SH2D1B: variants seen among roughly 807,000 people sequenced by gnomAD.
SH2D1B encodes SH2 domain containing 1B.
A neutral mutation model predicts 16.3 loss-of-function variants in SH2D1B; 11 were observed. That is an observed-to-expected ratio of 0.67 (90% CI 0.42 to 1.11). SH2D1B has a LOEUF of 1.11. Among genes scored for constraint, SH2D1B ranks in the 50% most tolerant of loss-of-function variants. The probability of loss-of-function intolerance (pLI) is 0.00; values close to 1 mark genes in which losing one functional copy is unlikely to be tolerated. For synonymous variants in SH2D1B, 55 were observed against 56.1 expected, an observed-to-expected ratio of 0.98 and a Z score of 0.09; for missense variants, 123 against 153.1, an observed-to-expected ratio of 0.80 and a Z score of 1.04.
At chr1:162,403,511 A>AAAAAAAAAAAAAAAAAAAC (rs1648579325) in intron 1 of SH2D1B, among the ~76,000 whole-genome samples, 1 of 42,042 alleles carries the variant, frequency 2.4e-5, no homozygotes, top group Non-Finnish European at 4.0e-5. Flanking sequence ...AAAAAAAAAA[A>AAAAAAAAAAAAAAAAAAAC]ATATATATAT....
At chr1:162,398,241 C>T (rs188168521) in intron 3 of SH2D1B, among the ~76,000 whole-genome samples, 29 of 152,188 alleles carry the variant, frequency 1.9e-4, no homozygotes, top group African/African-American at 6.8e-4. Flanking sequence ...ATCCCTTTCA[C>T]TGAGAATATA....
intron 1 of SH2D1B, among the ~76,000 whole-genome samples, chr1:162,404,922 C>T (rs1648617452): frequency 6.6e-6 from 1 of 152,230 alleles, no homozygotes; most frequent in Non-Finnish European, 1.5e-5. Context: ...ACATAGAACA[C>T]ACAACTTAGC....
chr1:162,410,345 CT>C (rs1284952076), intron 1 of SH2D1B, among the ~76,000 whole-genome samples: 3 of 152,232 alleles, frequency 2.0e-5, no homozygotes, highest in African/African-American at 7.2e-5. Context: ...AGTCCAGTCT[CT>C]TTTCTGTGCC....
chr1:162,398,458 A>G (rs1648430590), intron 3 of SH2D1B, among the ~76,000 whole-genome samples: 2 of 152,204 alleles, frequency 1.3e-5, no homozygotes, highest in South Asian at 4.1e-4. Context: ...ACCATCTCTC[A>G]TTTTCCACTA....
At chr1:162,411,065 C>G (rs1309982087) in intron 1 of SH2D1B, among the ~76,000 whole-genome samples, 3 of 152,082 alleles carry the variant, frequency 2.0e-5, no homozygotes, top group Non-Finnish European at 1.5e-5. Context: ...AAGTGATTCT[C>G]CTGTCTCAGC....
chr1:162,405,977 C>A (rs1468121904), intron 1 of SH2D1B, among the ~76,000 whole-genome samples: 1 of 152,164 alleles, frequency 6.6e-6, no homozygotes, highest in Non-Finnish European at 1.5e-5. Flanking sequence ...TTTTAACTAA[C>A]CTTCAAAAGG....
In SH2D1B at chr1:162,397,312, T is replaced by C. The variant is rs1427879076; in HGVS notation, c.367A>G (p.Ser123Gly). ...LKLELETFVNSNSDYVDVLP is the reference protein window; with the variant it reads ...LKLELETFVNGNSDYVDVLP ...AAGACATCCACATAATCGCTGTTAC[T>C]GTTCTTTGGAGGGAAAAAAAAAGCA... is the stretch of plus-strand genomic sequence containing the variant. The change falls in exon 4 of 4, where the codon AGT (serine) becomes GGT (glycine). Residue 123 changes from serine to glycine, a missense_variant. Transcript: ENST00000367929. The C allele has an allele frequency of 5.0e-5, 80 of 1,613,664 alleles. No homozygotes were observed. Among genetic ancestry groups the C allele is most frequent in the Non-Finnish European group, 6.5e-5 (77 of 1,179,858 alleles).
rs1172020515 is a variant in SH2D1B, at chr1:162,399,621, A to G, written c.199-534T>C. 7.2e-5 allele frequency among the ~76,000 whole-genome samples: 11 copies of G among 152,184 alleles called. 2 individuals carry two copies. Among genetic ancestry groups the G allele is most frequent in the Admixed American group, 7.2e-4 (11 of 15,280 alleles). On this transcript the variant is annotated intron_variant, in intron 2 of 3. Coordinates refer to ENST00000367929, the MANE Select transcript of SH2D1B (RefSeq NM_053282.5). ...CCATCACCCAGGTATCAAGCCCAGC[A>G]TTCACTAGCTATTCTTCCTGATCCT... is the stretch of plus-strand genomic sequence containing the variant.
chr1:162,400,030 T>C (rs564993216), intron 2 of SH2D1B, among the ~76,000 whole-genome samples: 3 of 152,336 alleles, frequency 2.0e-5, no homozygotes, highest in South Asian at 2.1e-4. Flanking sequence ...TAGTATTCCA[T>C]GGTGTATATG....
At position 162,396,729 on chromosome 1, in the gene SH2D1B, C is replaced by T. The variant is rs1362221673; in HGVS notation, c.*551G>A. 6.5e-6 allele frequency: 1 copy of T among 153,516 alleles called. No individual in the cohort carries two copies. The highest frequency in any genetic ancestry group is 2.4e-5 in the African/African-American group (1 of 41,432). 9.5% of individuals were successfully genotyped at this position (153,516 alleles called of 1,614,324 possible). A position where few individuals can be genotyped will look rare whatever the true frequency, so the allele number is the denominator to read the frequency against. ...CAGCAGGTACAGAGAAGGTGCTGAT[C>T]TGTATGCATCTCCATCACTCCCGAT... On this transcript the variant is annotated 3_prime_UTR_variant, in exon 4 of 4. Coordinates refer to ENST00000367929, the MANE Select transcript of SH2D1B (RefSeq NM_053282.5).
In SH2D1B at chr1:162,398,938, C is replaced by T; in HGVS notation, c.348G>A (p.Glu116=). ...GAGATTTTACCACAAATGTTTCCAA[C>T]TCTAATTTCAATCCTCTCCATCTCA... ...PSLRWRGLKL[E]LETFVNSNSD... The change falls in exon 3 of 4, where the codon GAG becomes GAA. Residue 116 remains glutamate, a synonymous_variant. Coordinates refer to ENST00000367929, the MANE Select transcript of SH2D1B (RefSeq NM_053282.5). 1 of 1,611,906 alleles carries T rather than the reference C, an allele frequency of 6.2e-7. No individual in the cohort carries two copies. Among genetic ancestry groups the T allele is most frequent in the Non-Finnish European group, 8.5e-7 (1 of 1,178,450 alleles).
Position 162,397,328 on chromosome 1 carries a change from A to G in SH2D1B, c.364-13T>C. 6.2e-7 allele frequency: 1 copy of G among 1,613,680 alleles called. No homozygotes were observed. The highest frequency in any genetic ancestry group is 8.5e-7 in the Non-Finnish European group (1 of 1,179,854). ...CGCTGTTACTGTTCTTTGGAGGGAA[A>G]AAAAAAGCAGAAGACCAGCCATGAG... On this transcript the variant is annotated splice_polypyrimidine_tract_variant and intron_variant, in intron 3 of 3. Coordinates refer to ENST00000367929, the MANE Select transcript of SH2D1B (RefSeq NM_053282.5).
rs143723905 is a variant in SH2D1B, at chr1:162,407,210, C to T, written c.135-4408G>A. 9.8e-3 allele frequency among the ~76,000 whole-genome samples: 1,487 copies of T among 152,216 alleles called. 18 individuals carry two copies. The highest frequency in any genetic ancestry group is 0.033 in the African/African-American group (1,351 of 41,530). ...GTTCTTTTCTATTCTCCCTAAGTGT[C>T]GGCCAGTCTAAGAAATAAAGGGAAA... is the stretch of plus-strand genomic sequence containing the variant. On this transcript the variant is annotated intron_variant, in intron 1 of 3. Transcript: ENST00000367929.
rs1210689894 is a variant in SH2D1B, at chr1:162,395,976, T to C, written c.*1304A>G. On this transcript the variant is annotated 3_prime_UTR_variant, in exon 4 of 4. Coordinates refer to ENST00000367929, the MANE Select transcript of SH2D1B (RefSeq NM_053282.5). ...GCAATTTCACGTATTTATTATAAAA[T>C]GTATATAGAAGAATCAAGGTCCATG... The C allele has an allele frequency of 6.6e-6, 1 of 152,214 alleles. No individual in the cohort carries two copies. Among genetic ancestry groups the C allele is most frequent in the Non-Finnish European group, 1.5e-5 (1 of 68,028 alleles). 9.4% of individuals were successfully genotyped at this position (152,214 alleles called of 1,614,324 possible). A position where few individuals can be genotyped will look rare whatever the true frequency, so the allele number is the denominator to read the frequency against.
chr1:162,409,763 T>TG (rs201685309), intron 1 of SH2D1B, among the ~76,000 whole-genome samples: 10,324 of 152,024 alleles, frequency 0.068, 516 homozygotes, highest in East Asian at 0.15. Context: ...TTTTAGTAGA[T>TG]GGGGGTTTCA....
intron 1 of SH2D1B, among the ~76,000 whole-genome samples, chr1:162,409,064 G>A (rs534272282): frequency 2.7e-5 from 4 of 150,526 alleles, no homozygotes; most frequent in East Asian, 2.0e-4. Context: ...AGCCATGATC[G>A]CACCACTGCA....
At chr1:162,401,299 T>A (rs1482813837) in intron 2 of SH2D1B, among the ~76,000 whole-genome samples, 1 of 150,648 alleles carries the variant, frequency 6.6e-6, no homozygotes, top group East Asian at 1.9e-4. Context: ...TGAGGAATTA[T>A]CCAGAATTTC....
At chr1:162,404,110 T>C (rs545496751) in intron 1 of SH2D1B, among the ~76,000 whole-genome samples, 5 of 152,186 alleles carry the variant, frequency 3.3e-5, no homozygotes, top group African/African-American at 1.2e-4. Context: ...CCAAGGTGGG[T>C]GGATCACCTA....
chr1:162,402,651 A>G (rs1640641735), intron 2 of SH2D1B, 88 bp downstream of exon 2: 11 of 1,102,886 alleles, frequency 1.0e-5, no homozygotes, highest in Non-Finnish European at 1.5e-5. Flanking sequence ...ATGCTTTCGC[A>G]CAGTCATGGC....
Sources: gnomAD v4.1 joint callset for allele counts (sites outside exome capture counted in the v4.1 genomes callset) on GRCh38, gnomAD v4.1.1 for gene constraint, MANE v1.5 for transcripts, NCBI Gene and HGNC (gene_info 2026-07-23, HGNC 2026-07-21) for gene names.